CHN1: variants seen among roughly 807,000 people sequenced by gnomAD.
CHN1 encodes N-chimaerin.
Under a neutral mutation model 59.5 loss-of-function variants are expected in CHN1, and 37 were observed. The observed-to-expected ratio is 0.62, with a 90% CI of 0.48 to 0.82. CHN1 has a LOEUF of 0.82. Among genes scored for constraint, CHN1 ranks in the 40% least tolerant of loss-of-function variants. The pLI, the probability that CHN1 is intolerant of heterozygous loss-of-function variation, is 0.00. For synonymous variants in CHN1, 206 were observed against 200.4 expected (o/e 1.03, Z -0.24); for missense variants, 469 against 571.0 (o/e 0.82, Z 1.82).
intron 12 of CHN1, 81 bp from the exon 13 acceptor site, chr2:174,800,368 A>G (rs2105369229): frequency 1.8e-6 from 2 of 1,111,344 alleles, no homozygotes; most frequent in East Asian, 5.6e-5. Context: ...AAACAACAAG[A>G]TTCACAATAA....
chr2:174,965,770 T>A (rs1232727179), intron 1 of CHN1, among the ~76,000 whole-genome samples: 1 of 152,170 alleles, frequency 6.6e-6, no homozygotes, highest in African/African-American at 2.4e-5. Flanking sequence ...TAATAATTAA[T>A]CCCCACCTGT....
intron 1 of CHN1, among the ~76,000 whole-genome samples, chr2:175,000,168 T>C (rs1233298993): frequency 7.6e-6 from 1 of 130,972 alleles, no homozygotes; most frequent in African/African-American, 3.0e-5. Flanking sequence ...TGAGATGGAG[T>C]CTCACTCTGT....
intron 7 of CHN1, 96 bp from the exon 8 acceptor site, chr2:174,824,614 C>CCATA: frequency 2.2e-6 from 1 of 450,948 alleles, no homozygotes; most frequent in Admixed American, 3.7e-5. Context: ...GCCACATATT[C>CCATA]TATATATATA....
intron 1 of CHN1, among the ~76,000 whole-genome samples, chr2:174,957,346 T>C (rs1032886565): frequency 2.0e-5 from 3 of 151,366 alleles, no homozygotes; most frequent in Non-Finnish European, 4.4e-5. Flanking sequence ...ACTGCCTTGC[T>C]TGGCCACAGC....
At chr2:174,847,512 T>G (rs1686566606) in intron 6 of CHN1, 1 of 1,216,406 alleles carries the variant, frequency 8.2e-7, no homozygotes, top group African/African-American at 1.5e-5. Flanking sequence ...CTATTCAAGA[T>G]ATTAATGTCC....
At chr2:174,859,620 A>G (rs1687011384) in intron 6 of CHN1, among the ~76,000 whole-genome samples, 1 of 152,208 alleles carries the variant, frequency 6.6e-6, no homozygotes. Context: ...ATACTATTTC[A>G]TTGTAACTTC....
intron 6 of CHN1, among the ~76,000 whole-genome samples, chr2:174,860,228 C>T (rs925998376): frequency 6.6e-6 from 1 of 152,128 alleles, no homozygotes; most frequent in Admixed American, 6.5e-5. Flanking sequence ...GCTAATTAAG[C>T]TTTCCATTAA....
In CHN1 at chr2:174,947,732, C is replaced by A. The variant is rs562002936; in HGVS notation, c.59-2789G>T. 4.6e-5 allele frequency among the ~76,000 whole-genome samples: 7 copies of A among 152,192 alleles called. No individual in the cohort carries two copies. In the South Asian group the frequency reaches 1.5e-3, roughly 32 times the overall value. ...CTCCTGAGCTCAAGTGATACTCCCACCTTGGCTTCTTAAAATGCTGGGATT... is the reference window on the plus strand; with the variant it reads ...CTCCTGAGCTCAAGTGATACTCCCAACTTGGCTTCTTAAAATGCTGGGATT... On this transcript the variant is annotated intron_variant, in intron 2 of 12. Coordinates refer to ENST00000409900, the MANE Select transcript of CHN1 (RefSeq NM_001822.7).
At position 174,875,188 on chromosome 2, in the gene CHN1, T is replaced by TA. The variant is rs920245712; in HGVS notation, c.549+2651dup. ...CCATGCCCGGCCAGGATCAAACTTT[T>TA]AAAAAAACTTAAATTTTCATCAAAC... On this transcript the variant is annotated intron_variant, in intron 6 of 12. Coordinates refer to ENST00000409900, the MANE Select transcript of CHN1 (RefSeq NM_001822.7). Among the ~76,000 whole-genome samples, 5 of 152,214 alleles carry TA rather than the reference T, an allele frequency of 3.3e-5. No homozygotes were observed. The South Asian group carries it at 8.3e-4, about 25-fold the overall frequency.
Position 174,976,367 on chromosome 2 carries a change from A to C in CHN1, c.20-24165T>G, listed in dbSNP as rs554111327. On this transcript the variant is annotated intron_variant, in intron 1 of 12. Transcript: ENST00000409900. ...ATTCTCCTGCCTCAGCCTCCCGAGTAGCTGGGATCACAGACGCCCACCACC... is the reference window on the plus strand; with the variant it reads ...ATTCTCCTGCCTCAGCCTCCCGAGTCGCTGGGATCACAGACGCCCACCACC... Among the ~76,000 whole-genome samples, 340 of 151,940 alleles carry C rather than the reference A, an allele frequency of 2.2e-3. 2 individuals carry two copies. Among genetic ancestry groups the C allele is most frequent in the African/African-American group, 8.0e-3 (330 of 41,482 alleles).
chr2:174,991,306 A>C (rs995062069), intron 1 of CHN1, among the ~76,000 whole-genome samples: 3 of 152,234 alleles, frequency 2.0e-5, no homozygotes, highest in Non-Finnish European at 2.9e-5. Flanking sequence ...TCAGAGCAGA[A>C]GAACCCATCA....
intron 7 of CHN1, among the ~76,000 whole-genome samples, chr2:174,834,383 A>C (rs183207385): frequency 6.6e-6 from 1 of 152,312 alleles, no homozygotes; most frequent in Admixed American, 6.5e-5. Context: ...GTGTAGTTCT[A>C]AATTTCCACC....
intron 1 of CHN1, among the ~76,000 whole-genome samples, chr2:174,978,332 C>T (rs931393292): frequency 6.6e-6 from 1 of 152,114 alleles, no homozygotes; most frequent in Non-Finnish European, 1.5e-5. Flanking sequence ...GTCCACAATC[C>T]GTATTTCTGT....
At chr2:174,959,221 G>GT (rs1434441159) in intron 1 of CHN1, among the ~76,000 whole-genome samples, 5 of 152,176 alleles carry the variant, frequency 3.3e-5, no homozygotes, top group Admixed American at 6.5e-5. Flanking sequence ...GCTTAACTGT[G>GT]TAACAGGTAT....
At chr2:174,919,522 T>C (rs1438041247) in intron 3 of CHN1, among the ~76,000 whole-genome samples, 1 of 152,216 alleles carries the variant, frequency 6.6e-6, no homozygotes, top group Non-Finnish European at 1.5e-5. Flanking sequence ...TTTAGTTACA[T>C]TTAAAGATCA....
intron 3 of CHN1, among the ~76,000 whole-genome samples, chr2:174,943,208 GTA>G (rs1371722741): frequency 6.7e-6 from 1 of 148,566 alleles, no homozygotes; most frequent in Admixed American, 6.7e-5. Flanking sequence ...GTGTGTGTGT[GTA>G]TGTGTGTACA....
At chr2:174,891,622 C>T (rs1688054197) in intron 5 of CHN1, among the ~76,000 whole-genome samples, 1 of 150,234 alleles carries the variant, frequency 6.7e-6, no homozygotes, top group South Asian at 2.1e-4. Flanking sequence ...TTTTGGGATG[C>T]AGCAAGAGCA....
chr2:174,905,908 A>G (rs940747268), intron 5 of CHN1, among the ~76,000 whole-genome samples: 3 of 152,164 alleles, frequency 2.0e-5, no homozygotes, highest in Admixed American at 2.0e-4. Flanking sequence ...GGTGCAAATC[A>G]ATCTTTAATG....
At chr2:174,847,376 T>C in intron 6 of CHN1, 1 of 1,250,670 alleles carries the variant, frequency 8.0e-7, no homozygotes, top group Non-Finnish European at 1.0e-6. Flanking sequence ...TTCTAAAAAC[T>C]TGAGTCTGAA....
Sources: gnomAD v4.1 joint callset for allele counts (sites outside exome capture counted in the v4.1 genomes callset) on GRCh38, gnomAD v4.1.1 for gene constraint, MANE v1.5 for transcripts, NCBI Gene and HGNC (gene_info 2026-07-23, HGNC 2026-07-21) for gene names.